Variants in EPN2 observed in about 807,000 individuals in gnomAD.
EPN2 encodes epsin 2.
Under a neutral mutation model 61.7 loss-of-function variants are expected in EPN2, and 34 were observed. The observed-to-expected ratio is 0.55, with a 90% CI of 0.42 to 0.73. The LOEUF is 0.73. EPN2 is among the 30% of genes least tolerant of loss of function. EPN2 has a pLI of 0.00. For missense variants in EPN2, 714 were observed against 839.2 expected, an observed-to-expected ratio of 0.85 and a Z score of 1.84; for synonymous variants, 349 against 353.6, an observed-to-expected ratio of 0.99 and a Z score of 0.15.
intron 1 of EPN2, among the ~76,000 whole-genome samples, chr17:19,258,298 C>T (rs531777961): frequency 6.6e-6 from 1 of 152,262 alleles, no homozygotes; most frequent in Admixed American, 6.5e-5. Flanking sequence ...ACACTTACTG[C>T]TCTCTGGGCT....
chr17:19,268,885 CAT>C (rs2045227226), intron 1 of EPN2, among the ~76,000 whole-genome samples: 1 of 152,156 alleles, frequency 6.6e-6, no homozygotes, highest in Non-Finnish European at 1.5e-5. Context: ...GGGAAGACTG[CAT>C]ACTGTTCAGT....
intron 7 of EPN2, among the ~76,000 whole-genome samples, chr17:19,322,983 G>A (rs972663569): frequency 5.3e-5 from 8 of 152,122 alleles, no homozygotes; most frequent in Non-Finnish European, 1.0e-4. Context: ...TAGTTGTCTC[G>A]GAGGCTCAGG....
intron 4 of EPN2, among the ~76,000 whole-genome samples, chr17:19,295,364 A>ACGCGCGCGCGCGCG (rs374152445): frequency 6.1e-5 from 5 of 81,764 alleles, no homozygotes; most frequent in African/African-American, 1.6e-4. Flanking sequence ...ACACACACAC[A>ACGCGCGCGCGCGCG]CACGCGCGTG....
chr17:19,252,548 A>G (rs1339793531), intron 1 of EPN2, among the ~76,000 whole-genome samples: 1 of 152,206 alleles, frequency 6.6e-6, no homozygotes, highest in Non-Finnish European at 1.5e-5. Context: ...ATGCTTCAAT[A>G]CATATCTCTA....
At chr17:19,238,125 C>T (rs1413371808) in intron 1 of EPN2, among the ~76,000 whole-genome samples, 1 of 152,224 alleles carries the variant, frequency 6.6e-6, no homozygotes, top group South Asian at 2.1e-4. Context: ...CTCCCCAGCC[C>T]CCACTCCCAC....
At chr17:19,330,152 G>C (rs574883617) in intron 9 of EPN2, among the ~76,000 whole-genome samples, 2 of 152,178 alleles carry the variant, frequency 1.3e-5, no homozygotes, top group Admixed American at 1.3e-4. Flanking sequence ...TGGATGCAGT[G>C]GGCCAAGTGG....
At chr17:19,303,427 C>T (rs1348950283) in intron 4 of EPN2, among the ~76,000 whole-genome samples, 4 of 152,344 alleles carry the variant, frequency 2.6e-5, no homozygotes, top group East Asian at 3.9e-4. Context: ...GCACGTTCTC[C>T]ATTTCTCCGG....
At chr17:19,244,935 C>T (rs373467706) in intron 1 of EPN2, among the ~76,000 whole-genome samples, 2 of 152,278 alleles carry the variant, frequency 1.3e-5, no homozygotes, top group South Asian at 2.1e-4. Context: ...TTTATTTCCA[C>T]GACCTCATTT....
chr17:19,267,589 C>G (rs2045213285), intron 1 of EPN2, among the ~76,000 whole-genome samples: 1 of 150,942 alleles, frequency 6.6e-6, no homozygotes, highest in Non-Finnish European at 1.5e-5. Flanking sequence ...GTCGCCCAGG[C>G]TGGAATGCAA....
intron 4 of EPN2, chr17:19,296,987 C>CT (rs1282150540): frequency 6.6e-6 from 1 of 152,244 alleles, no homozygotes; most frequent in Non-Finnish European, 1.5e-5. Flanking sequence ...TGCATTCCTG[C>CT]TTTTTGTCTT....
intron 4 of EPN2, among the ~76,000 whole-genome samples, chr17:19,302,022 G>A (rs1217544115): frequency 2.6e-5 from 4 of 152,210 alleles, no homozygotes; most frequent in South Asian, 4.1e-4. Context: ...GCTGTGAGCC[G>A]CAGCCATTTA....
At chr17:19,295,725 C>G (rs2045513345) in intron 4 of EPN2, among the ~76,000 whole-genome samples, 2 of 152,162 alleles carry the variant, frequency 1.3e-5, no homozygotes, top group African/African-American at 4.8e-5. Flanking sequence ...CCCTAAATCA[C>G]TAGCTCTCAA....
At chr17:19,278,122 G>A (rs993731227) in intron 1 of EPN2, among the ~76,000 whole-genome samples, 4 of 151,288 alleles carry the variant, frequency 2.6e-5, no homozygotes, top group African/African-American at 9.7e-5. Context: ...TTCTCCTAGT[G>A]AGGATTATTT....
At chr17:19,284,511 G>C (rs2045386274) in intron 3 of EPN2, among the ~76,000 whole-genome samples, 1 of 152,246 alleles carries the variant, frequency 6.6e-6, no homozygotes, top group Non-Finnish European at 1.5e-5. Flanking sequence ...CAGAGAGACA[G>C]GTGGCCCTAG....
chr17:19,247,968 A>T (rs1423750114), intron 1 of EPN2, among the ~76,000 whole-genome samples: 2 of 152,150 alleles, frequency 1.3e-5, no homozygotes, highest in African/African-American at 4.8e-5. Context: ...AATGCCCATG[A>T]TGGGGCCCTA....
chr17:19,329,661 A>G lies in EPN2; in HGVS notation c.1411+14A>G, dbSNP rs749742875. The G allele has an allele frequency of 4.0e-6, 6 of 1,517,978 alleles. No individual in the cohort carries two copies. The highest frequency in any genetic ancestry group is 3.4e-5 in the South Asian group (3 of 87,162). The allele number at this position is 1,517,978 out of a possible 1,614,324, so 94.0% of individuals were successfully genotyped here. A position where few individuals can be genotyped will look rare whatever the true frequency, so the allele number is the denominator to read the frequency against. On this transcript the variant is annotated intron_variant, in intron 9 of 10. Transcript: ENST00000314728. ...CAAAAAAAACAGGTATGTACAGGTGATGATGGTTTCCATAATCCTCCGTGC... is the reference window on the plus strand; with the variant it reads ...CAAAAAAAACAGGTATGTACAGGTGGTGATGGTTTCCATAATCCTCCGTGC...
intron 1 of EPN2, among the ~76,000 whole-genome samples, chr17:19,246,150 A>G (rs1157710276): frequency 6.6e-6 from 1 of 151,866 alleles, no homozygotes; most frequent in Non-Finnish European, 1.5e-5. Context: ...CATGAGGTCA[A>G]GAGATCAAGA....
intron 7 of EPN2, among the ~76,000 whole-genome samples, chr17:19,321,975 G>A (rs1014874958): frequency 6.6e-6 from 1 of 152,188 alleles, no homozygotes; most frequent in African/African-American, 2.4e-5. Context: ...TGTTGCAGGG[G>A]GTTAGAGTGA....
intron 1 of EPN2, among the ~76,000 whole-genome samples, chr17:19,243,220 C>CTTTT (rs71155386): frequency 7.9e-5 from 10 of 127,114 alleles, no homozygotes; most frequent in African/African-American, 2.1e-4. Context: ...GAGAATGTGT[C>CTTTT]TTTTTTTTTT....
Sources: allele counts gnomAD v4.1 joint callset (sites outside exome capture counted in the v4.1 genomes callset), GRCh38; gene constraint gnomAD v4.1.1; transcripts MANE v1.5; gene names NCBI Gene and HGNC (gene_info 2026-07-23, HGNC 2026-07-21).